Variants in EPM2A observed in about 807,000 individuals in gnomAD.
EPM2A encodes the protein laforin.
Under a neutral mutation model 26.5 loss-of-function variants are expected in EPM2A, and 21 were observed. That is an observed-to-expected ratio of 0.79 (90% CI 0.56 to 1.14). The LOEUF (loss-of-function observed/expected upper bound fraction) is 1.14. EPM2A is among the 50% of genes most tolerant of loss of function. The probability of loss-of-function intolerance (pLI) is 0.00; values close to 1 mark genes in which losing one functional copy is unlikely to be tolerated. For missense variants in EPM2A, 458 were observed against 440.8 expected (o/e 1.04, Z -0.35); for synonymous variants, 217 against 177.6 (o/e 1.22, Z -1.76).
chr6:145,701,522 C>T (rs1404537668), intron 1 of EPM2A, among the ~76,000 whole-genome samples: 2 of 152,144 alleles, frequency 1.3e-5, no homozygotes, highest in East Asian at 3.9e-4. Flanking sequence ...TTCCTGAGAG[C>T]CTTGCCTTCC....
intron 2 of EPM2A, among the ~76,000 whole-genome samples, chr6:145,559,672 CTT>C (rs201917957): frequency 0.36 from 50,436 of 138,488 alleles, 9,279 homozygotes; most frequent in South Asian, 0.51. Context: ...ATACTTTCTC[CTT>C]TTTTTTTTTT....
At chr6:145,405,496 C>T (rs1442325487) in intron 4 of EPM2A, among the ~76,000 whole-genome samples, 1 of 152,106 alleles carries the variant, frequency 6.6e-6, no homozygotes, top group African/African-American at 2.4e-5. Flanking sequence ...ATGCCAGAAG[C>T]AGAAATGGCA....
chr6:145,395,119 TC>T (rs200370891), intron 4 of EPM2A, among the ~76,000 whole-genome samples: 41 of 148,282 alleles, frequency 2.8e-4, no homozygotes, highest in African/African-American at 9.9e-4. Context: ...AGGCATTTTT[TC>T]CTCCCCTCTC....
At chr6:145,690,879 A>G (rs1265515611) in intron 1 of EPM2A, among the ~76,000 whole-genome samples, 1 of 152,118 alleles carries the variant, frequency 6.6e-6, no homozygotes, top group Non-Finnish European at 1.5e-5. Context: ...GTTTAAGAGC[A>G]ATATGGAAGG....
At chr6:145,599,601 T>C (rs1781390207) in intron 2 of EPM2A, among the ~76,000 whole-genome samples, 1 of 152,006 alleles carries the variant, frequency 6.6e-6, no homozygotes, top group South Asian at 2.1e-4. Flanking sequence ...ATATTGGTTA[T>C]AATTCTGCTT....
intron 1 of EPM2A, among the ~76,000 whole-genome samples, chr6:145,688,897 G>C (rs1404044330): frequency 6.6e-6 from 1 of 152,218 alleles, no homozygotes; most frequent in Non-Finnish European, 1.5e-5. Context: ...GAGGGGAACT[G>C]TCATAGTCAA....
At chr6:145,481,355 T>G (rs908864925) in intron 4 of EPM2A, among the ~76,000 whole-genome samples, 1 of 152,140 alleles carries the variant, frequency 6.6e-6, no homozygotes, top group African/African-American at 2.4e-5. Flanking sequence ...TTCAGAAAAT[T>G]TATTCTGCCA....
downstream of EPM2A, among the ~76,000 whole-genome samples, chr6:145,501,081 AC>A (rs1478382805): frequency 6.6e-6 from 1 of 152,232 alleles, no homozygotes; most frequent in Non-Finnish European, 1.5e-5. Flanking sequence ...CTCACAATGT[AC>A]CAGACACTGT....
At chr6:145,404,516 C>T (rs2114669671) in intron 4 of EPM2A, among the ~76,000 whole-genome samples, 2 of 152,146 alleles carry the variant, frequency 1.3e-5, no homozygotes, top group East Asian at 3.9e-4. Context: ...GAAGCTCGCC[C>T]TTCATTCAAT....
chr6:145,582,048 T>A (rs1562391135), intron 2 of EPM2A, among the ~76,000 whole-genome samples: 1 of 152,204 alleles, frequency 6.6e-6, no homozygotes, highest in Non-Finnish European at 1.5e-5. Flanking sequence ...GAATTTGAGA[T>A]CTTTCTAACT....
Position 145,625,984 on chromosome 6 carries a change from C to A in EPM2A, c.*1432G>T. On this transcript the variant is annotated 3_prime_UTR_variant, in exon 4 of 4. Transcript: ENST00000367519. ...CTTCATCTATTTATTCATCATGTGACAATAGACAGTTGAGTTAACCCTTCT... is the reference window on the plus strand; with the variant it reads ...CTTCATCTATTTATTCATCATGTGAAAATAGACAGTTGAGTTAACCCTTCT... 1 of 1,169,900 alleles carries A rather than the reference C, an allele frequency of 8.5e-7. No homozygotes were observed. Among genetic ancestry groups the A allele is most frequent in the Non-Finnish European group, 1.1e-6 (1 of 880,328 alleles). The allele number at this position is 1,169,900 out of a possible 1,614,324, so 72.5% of individuals were successfully genotyped here.
intron 1 of EPM2A, among the ~76,000 whole-genome samples, chr6:145,730,881 C>T (rs1312020864): frequency 6.6e-6 from 1 of 152,118 alleles, no homozygotes; most frequent in Non-Finnish European, 1.5e-5. Context: ...CGCATGTCAG[C>T]CTGGAGAGGA....
intron 2 of EPM2A, among the ~76,000 whole-genome samples, chr6:145,551,664 G>A (rs1340620789): frequency 1.3e-5 from 2 of 151,968 alleles, no homozygotes; most frequent in Non-Finnish European, 2.9e-5. Context: ...ACTCAGAAGA[G>A]ACTGGCAGAA....
intron 2 of EPM2A, among the ~76,000 whole-genome samples, chr6:145,526,516 T>C (rs769702483): frequency 6.6e-6 from 1 of 152,010 alleles, no homozygotes; most frequent in Non-Finnish European, 1.5e-5. Flanking sequence ...CCCCATTCAG[T>C]CTGGGGTGGG....
intron 4 of EPM2A, among the ~76,000 whole-genome samples, chr6:145,458,376 C>T (rs1582771109): frequency 6.6e-6 from 1 of 152,158 alleles, no homozygotes; most frequent in Admixed American, 6.6e-5. Flanking sequence ...TATTCTTATA[C>T]ACGGCCATTC....
chr6:145,391,392 C>A lies in EPM2A; in HGVS notation c.556-7295G>T, dbSNP rs569583889. 2.6e-5 allele frequency among the ~76,000 whole-genome samples: 4 copies of A among 152,246 alleles called. No homozygotes were observed. The East Asian group carries it at 7.7e-4, about 29-fold the overall frequency. ...GTTTACAGAGGCTGTGCACTGAGTG[C>A]CTTTGTGTCCTCTACTTCACCTTTT... is the stretch of plus-strand genomic sequence containing the variant. On this transcript the variant is annotated intron_variant, in intron 4 of 4. Transcript: ENST00000638717.
At chr6:145,709,802 C>T (rs922185474) in intron 1 of EPM2A, among the ~76,000 whole-genome samples, 4 of 151,920 alleles carry the variant, frequency 2.6e-5, no homozygotes, top group Non-Finnish European at 5.9e-5. Context: ...GGAAATAATC[C>T]AGGGCAGAGG....
At chr6:145,386,036 A>T (rs1053711719) in intron 4 of EPM2A, among the ~76,000 whole-genome samples, 8 of 152,128 alleles carry the variant, frequency 5.3e-5, no homozygotes, top group African/African-American at 1.9e-4. Flanking sequence ...CAGGTACTGA[A>T]GTAATGAACA....
In EPM2A at chr6:145,627,523, T is replaced by A. The variant is rs1042622916; in HGVS notation, c.889A>T (p.Met297Leu). The stretch of plus-strand genomic sequence containing the variant: ...ATGTAGACAGCCGGCCTCTTGGCCA[T>A]GAGGAAATACTGCACCTTCCTCAGA... Reference protein sequence around the residue: ...WNLRKVQYFLMAKRPAVYIDE... With the variant: ...WNLRKVQYFLLAKRPAVYIDE... Residue 297 changes from methionine (M) to leucine (L), a missense_variant, in exon 4 of 4, where the codon ATG becomes TTG. Coordinates refer to ENST00000367519, the MANE Select transcript of EPM2A (RefSeq NM_005670.4). 4 of 1,614,266 alleles carry A rather than the reference T, an allele frequency of 2.5e-6. No homozygotes were observed. Among genetic ancestry groups the A allele is most frequent in the Non-Finnish European group, 3.4e-6 (4 of 1,180,048 alleles).
Sources: gnomAD v4.1 joint callset for allele counts (sites outside exome capture counted in the v4.1 genomes callset) on GRCh38, gnomAD v4.1.1 for gene constraint, MANE v1.5 for transcripts, NCBI Gene and HGNC (gene_info 2026-07-23, HGNC 2026-07-21) for gene names.